STK17B: variants seen among roughly 807,000 people sequenced by gnomAD.
The protein encoded by STK17B is serine/threonine-protein kinase 17B.
STK17B carries 21 observed loss-of-function variants against 42.0 expected under a neutral mutation model. The observed-to-expected ratio is 0.50, with a 90% CI of 0.35 to 0.72. The LOEUF is 0.72. Ranked by LOEUF, STK17B falls within the 30% of genes least tolerant of loss-of-function variation. The pLI is 0.00. For synonymous variants in STK17B, 143 were observed against 148.4 expected, an observed-to-expected ratio of 0.96 and a Z score of 0.26; for missense variants, 349 against 446.0, an observed-to-expected ratio of 0.78 and a Z score of 1.96.
At chr2:196,175,062 A>G (rs1388268704), upstream of STK17B, among the ~76,000 whole-genome samples, 2 of 152,218 alleles carry the variant, frequency 1.3e-5, no homozygotes, top group East Asian at 3.8e-4. Flanking sequence ...CATATTTTAA[A>G]AAGTAAACAC....
chr2:196,150,232 A>G (rs1431063854), intron 3 of STK17B, among the ~76,000 whole-genome samples: 1 of 151,670 alleles, frequency 6.6e-6, no homozygotes, highest in Non-Finnish European at 1.5e-5. Flanking sequence ...AAATATCTAC[A>G]GTCAGAAAAG....
rs1229117115 is a variant in STK17B at position 196,144,507 on chromosome 2, A to C, written c.481-821T>G. On this transcript the variant is annotated intron_variant, in intron 4 of 7. Transcript: ENST00000263955. ...GTCTCAAAAAAAAAAAAAAAAAAAA[A>C]AAAAAAAAAAAAAAAAAAGAACAAC... 5.9e-4 allele frequency among the ~76,000 whole-genome samples: 88 copies of C among 148,386 alleles called. 2 individuals carry two copies. The highest frequency in any genetic ancestry group is 1.8e-3 in the African/African-American group (74 of 40,430).
At position 196,133,786 on chromosome 2, in the gene STK17B, A is replaced by ATTT; in HGVS notation, c.*3660_*3661insAAA. 1 of 152,346 alleles carries ATTT rather than the reference A, an allele frequency of 6.6e-6. No homozygotes were observed. Among genetic ancestry groups the ATTT allele is most frequent in the East Asian group, 1.9e-4 (1 of 5,196 alleles). The allele number at this position is 152,346 out of a possible 1,614,324, so 9.4% of individuals were successfully genotyped here. ...AGATTTTTTTTACTGGAATACTCAT[A>ATTT]ATAATGTCTGTCTATATGCCTTAAG... On this transcript the variant is annotated 3_prime_UTR_variant, in exon 8 of 8. Coordinates refer to ENST00000263955, the MANE Select transcript of STK17B (RefSeq NM_004226.4).
chr2:196,159,909 G>C (rs1212135574), intron 2 of STK17B, among the ~76,000 whole-genome samples: 2 of 152,014 alleles, frequency 1.3e-5, no homozygotes, highest in Admixed American at 1.3e-4. Flanking sequence ...AAAAGATTGA[G>C]ATTCCAATAA....
intron 3 of STK17B, among the ~76,000 whole-genome samples, chr2:196,146,646 T>C (rs199775673): frequency 1.9e-4 from 29 of 152,300 alleles, no homozygotes; most frequent in East Asian, 1.7e-3. Context: ...ATAATAAAAA[T>C]AGTAGCTCTT....
At chr2:196,163,144 C>G in intron 2 of STK17B, 118 bp downstream of exon 2, 1 of 1,268,412 alleles carries the variant, frequency 7.9e-7, no homozygotes, top group Non-Finnish European at 1.1e-6. Context: ...CAACAGAGAT[C>G]ACAACTTTCC....
intron 1 of STK17B, among the ~76,000 whole-genome samples, chr2:196,166,461 A>G (rs1488459485): frequency 6.6e-6 from 1 of 152,208 alleles, no homozygotes; most frequent in Non-Finnish European, 1.5e-5. Context: ...AATTCATTTC[A>G]TAACATTTTA....
intron 1 of STK17B, among the ~76,000 whole-genome samples, chr2:196,170,430 G>A (rs1699925161): frequency 6.6e-6 from 1 of 152,170 alleles, no homozygotes; most frequent in Non-Finnish European, 1.5e-5. Flanking sequence ...TTAAATATTA[G>A]TGAAATCTGA....
At chr2:196,155,100 A>T (rs748892020) in intron 3 of STK17B, among the ~76,000 whole-genome samples, 1 of 152,208 alleles carries the variant, frequency 6.6e-6, no homozygotes, top group South Asian at 2.1e-4. Context: ...GTTCTTATGT[A>T]TATTCATCCT....
In STK17B at chr2:196,161,586, T is replaced by C. The variant is rs1699813457; in HGVS notation, c.122+1676A>G. Reference sequence around the variant, plus strand: ...CAAGCTGGAGTGCAGTGGCATGATATCGGCTCACTGCAACCTCCACCTGCC... The same window carrying C: ...CAAGCTGGAGTGCAGTGGCATGATACCGGCTCACTGCAACCTCCACCTGCC... On this transcript the variant is annotated intron_variant, in intron 2 of 7. Coordinates refer to ENST00000263955, the MANE Select transcript of STK17B (RefSeq NM_004226.4). Among the ~76,000 whole-genome samples, 4 of 140,052 alleles carry C rather than the reference T, an allele frequency of 2.9e-5. No homozygotes were observed. The Admixed American group carries it at 3.1e-4, about 11-fold the overall frequency. The allele number at this position is 140,052 out of a possible 152,430, so 91.9% of individuals were successfully genotyped here.
chr2:196,139,831 AT>A, intron 6 of STK17B, 32 bp from the exon 7 acceptor site: 1 of 1,321,910 alleles, frequency 7.6e-7, no homozygotes, highest in Non-Finnish European at 9.8e-7. Flanking sequence ...CTTAAAATGT[AT>A]GTTAATTTTT....
At chr2:196,158,328 T>A (rs1316717871) in intron 2 of STK17B, among the ~76,000 whole-genome samples, 1 of 152,184 alleles carries the variant, frequency 6.6e-6, no homozygotes, top group East Asian at 1.9e-4. Context: ...TTGATGTCAG[T>A]GGAAAGTACT....
chr2:196,169,066 C>CTT (rs1699904908), intron 1 of STK17B, among the ~76,000 whole-genome samples: 1 of 121,060 alleles, frequency 8.3e-6, no homozygotes, highest in African/African-American at 3.0e-5. Flanking sequence ...CCTAGGAATA[C>CTT]TATTTTTTTT....
In STK17B at chr2:196,156,569, T is replaced by C. The variant is rs144100898; in HGVS notation, c.205A>G (p.Arg69Gly). 7 of 1,614,122 alleles carry C rather than the reference T, an allele frequency of 4.3e-6. No individual in the cohort carries two copies. Among genetic ancestry groups the C allele is most frequent in the Admixed American group, 1.7e-5 (1 of 60,024 alleles). The change falls in exon 3 of 8, where the codon AGA becomes GGA. Residue 69 changes from arginine (R) to glycine (G), a missense_variant. Coordinates refer to ENST00000263955, the MANE Select transcript of STK17B (RefSeq NM_004226.4). ...ATTTCTGCTCGACAATCCTGTCCTC[T>C]TCTTCTCTTTTTTAGAAATTTTGCA... ...YAAKFLKKRR[R>G]GQDCRAEILH...
At chr2:196,156,901 T>A (rs1253642631) in intron 2 of STK17B, among the ~76,000 whole-genome samples, 2 of 152,186 alleles carry the variant, frequency 1.3e-5, no homozygotes, top group Admixed American at 6.5e-5. Flanking sequence ...TATTCTTCAC[T>A]ACTAAAATGA....
At position 196,136,784 on chromosome 2, in the gene STK17B, G is replaced by A. The variant is rs556016619; in HGVS notation, c.*663C>T. ...GAAAAAGACATTTGCGTTAAAATAC[G>A]AAGGCATGCTACTCTTTCCTCTGCT... is the stretch of plus-strand genomic sequence containing the variant. On this transcript the variant is annotated 3_prime_UTR_variant, in exon 8 of 8. Transcript: ENST00000263955. 2.0e-5 allele frequency: 3 copies of A among 152,158 alleles called. No individual in the cohort carries two copies. Among genetic ancestry groups the A allele is most frequent in the South Asian group, 2.1e-4 (1 of 4,806 alleles). 9.4% of individuals were successfully genotyped at this position (152,158 alleles called of 1,614,324 possible). A position where few individuals can be genotyped will look rare whatever the true frequency, so the allele number is the denominator to read the frequency against.
chr2:196,144,905 G>A (rs988924838), intron 4 of STK17B, among the ~76,000 whole-genome samples: 3 of 151,914 alleles, frequency 2.0e-5, no homozygotes. Flanking sequence ...CAGGAGAAAA[G>A]GTAAAGGTAA....
At chr2:196,175,388 G>A (rs1483261912), upstream of STK17B, among the ~76,000 whole-genome samples, 1 of 152,170 alleles carries the variant, frequency 6.6e-6, no homozygotes, top group Non-Finnish European at 1.5e-5. Context: ...CACTTTGGGA[G>A]GCCAAGGCGG....
chr2:196,137,565 C>T lies in STK17B; in HGVS notation c.1001G>A (p.Cys334Tyr), dbSNP rs1286486560. 1 of 1,614,104 alleles carries T rather than the reference C, an allele frequency of 6.2e-7. No homozygotes were observed. The highest frequency in any genetic ancestry group is 1.7e-5 in the Admixed American group (1 of 60,032). Residue 334 changes from cysteine to tyrosine, a missense_variant, in exon 8 of 8, where the codon TGT becomes TAT. Physicochemically the swap from Cys to Tyr is radical, Grantham distance 194. Transcript: ENST00000263955. Reference protein sequence around the residue: ...KTSKSSCNGTCGDREDKENIP... With the variant: ...KTSKSSCNGTYGDREDKENIP... ...ATTCTCTTTGTCTTCTCTATCACCA[C>T]AGGTTCCATTACAGGAGGATTTAGA...
Sources: gnomAD v4.1 joint callset for allele counts (sites outside exome capture counted in the v4.1 genomes callset) on GRCh38, gnomAD v4.1.1 for gene constraint, MANE v1.5 for transcripts, NCBI Gene and HGNC (gene_info 2026-07-23, HGNC 2026-07-21) for gene names.